The following PDE11A variants were observed in gnomAD, a reference collection of about 807,000 sequenced individuals.
PDE11A encodes the protein dual 3',5'-cyclic-AMP and -GMP phosphodiesterase 11A.
A neutral mutation model predicts 100.5 loss-of-function variants in PDE11A; 100 were observed. The ratio of observed to expected loss-of-function variants is 1.00; its 90% CI spans 0.85 to 1.18. The LOEUF is 1.18. Ranked by LOEUF, PDE11A falls within the 50% of genes most tolerant of loss-of-function variation. PDE11A has a pLI of 0.00. For synonymous variants in PDE11A, 381 were observed against 420.8 expected, an observed-to-expected ratio of 0.91 and a Z score of 1.16; for missense variants, 1,141 against 1,152.6, an observed-to-expected ratio of 0.99 and a Z score of 0.15.
At chr2:177,958,303 G>A (rs563735123) in intron 2 of PDE11A, among the ~76,000 whole-genome samples, 30 of 152,308 alleles carry the variant, frequency 2.0e-4, no homozygotes, top group Middle Eastern at 6.8e-3. Flanking sequence ...TGACCTTGAC[G>A]GAGAAATGTT....
chr2:178,072,535 A>T lies in PDE11A; in HGVS notation c.-98T>A. 6.4e-7 allele frequency: 1 copy of T among 1,566,648 alleles called. No individual in the cohort carries two copies. Among genetic ancestry groups the T allele is most frequent in the Non-Finnish European group, 8.6e-7 (1 of 1,163,126 alleles). Reference sequence around the variant, plus strand: ...CCTGCACATGTTCACCCCCACCAGTATTCCCAGTTCAGCGCCACCTCCCCT... The same window carrying T: ...CCTGCACATGTTCACCCCCACCAGTTTTCCCAGTTCAGCGCCACCTCCCCT... On this transcript the variant is annotated 5_prime_UTR_variant, in exon 1 of 20. Coordinates refer to ENST00000286063, the MANE Select transcript of PDE11A (RefSeq NM_016953.4).
At chr2:177,992,652 A>T (rs555904501) in intron 2 of PDE11A, among the ~76,000 whole-genome samples, 1 of 152,328 alleles carries the variant, frequency 6.6e-6, no homozygotes, top group Non-Finnish European at 1.5e-5. Flanking sequence ...TCATCAGAAG[A>T]TAGTTAAGTA....
chr2:177,810,065 C>T (rs2082926010), intron 9 of PDE11A, among the ~76,000 whole-genome samples: 2 of 150,494 alleles, frequency 1.3e-5, no homozygotes. Context: ...AGAGGTCTAC[C>T]ATCCTCCCCA....
intron 13 of PDE11A, among the ~76,000 whole-genome samples, chr2:177,709,695 C>CT (rs1215201863): frequency 6.6e-6 from 1 of 152,100 alleles, no homozygotes; most frequent in African/African-American, 2.4e-5. Context: ...GGACAGAGGC[C>CT]TGAAACCAAC....
chr2:177,845,891 G>A (rs888963361), intron 5 of PDE11A, among the ~76,000 whole-genome samples: 41 of 151,872 alleles, frequency 2.7e-4, no homozygotes, highest in South Asian at 4.2e-4. Context: ...GTGGCGGCGC[G>A]TGCCTGCAAT....
At chr2:178,074,815 G>A (rs573443545), upstream of PDE11A, among the ~76,000 whole-genome samples, 36 of 152,322 alleles carry the variant, frequency 2.4e-4, 1 homozygote, top group Admixed American at 1.0e-3. Context: ...TGAATCGGCT[G>A]TAGCCATGTT....
chr2:177,742,559 T>C (rs1250345386), intron 10 of PDE11A, among the ~76,000 whole-genome samples: 1 of 152,222 alleles, frequency 6.6e-6, no homozygotes, highest in African/African-American at 2.4e-5. Context: ...GGGCTTGCTA[T>C]GTGTCAGGTA....
chr2:178,027,270 A>G (rs1311907571), intron 1 of PDE11A, among the ~76,000 whole-genome samples: 1 of 152,176 alleles, frequency 6.6e-6, no homozygotes, highest in Non-Finnish European at 1.5e-5. Flanking sequence ...ACACAATACC[A>G]CTAAAAAAAG....
rs950725604 is a variant in PDE11A, at chr2:178,096,865, C to A, written c.162+7437G>T. ...CAACATCTGCCCATTACCCAGTTAG[C>A]CATAGCTGAAACTGGAGTGGCACAT... On this transcript the variant is annotated intron_variant, in intron 2 of 20. Transcript: ENST00000358450. Among the ~76,000 whole-genome samples the A allele has an allele frequency of 5.3e-5, 8 of 152,252 alleles. No homozygotes were observed. The East Asian group carries it at 1.5e-3, about 29-fold the overall frequency.
intron 9 of PDE11A, among the ~76,000 whole-genome samples, chr2:177,807,433 A>AT (rs2082889081): frequency 6.6e-6 from 1 of 151,692 alleles, no homozygotes; most frequent in East Asian, 1.9e-4. Context: ...ATTTTATTTT[A>AT]TTTTTTTGAG....
At chr2:177,886,748 G>C (rs948518657) in intron 4 of PDE11A, among the ~76,000 whole-genome samples, 1 of 152,160 alleles carries the variant, frequency 6.6e-6, no homozygotes, top group Admixed American at 6.5e-5. Flanking sequence ...TAGAGATGGT[G>C]CTATAAGTTC....
intron 1 of PDE11A, chr2:178,018,587 T>C (rs538211160): frequency 5.0e-5 from 16 of 323,124 alleles, no homozygotes; most frequent in African/African-American, 2.8e-4. Context: ...AGTTCATTGT[T>C]GAGACAAAAC....
chr2:177,878,115 G>A (rs547181849), intron 4 of PDE11A, among the ~76,000 whole-genome samples: 2 of 152,292 alleles, frequency 1.3e-5, no homozygotes, highest in African/African-American at 4.8e-5. Flanking sequence ...CCAGATGAAT[G>A]TAGGGCAATG....
intron 5 of PDE11A, among the ~76,000 whole-genome samples, chr2:177,853,712 GTTTGTGTGTGTGTGTGTGTA>G (rs2083769859): frequency 3.8e-5 from 1 of 26,424 alleles, no homozygotes; most frequent in African/African-American, 1.2e-4. Context: ...GTGTGTGTGT[GTTTGTGTGTGTGTGTGTGTA>G]TATCTATATG....
intron 10 of PDE11A, among the ~76,000 whole-genome samples, chr2:177,744,370 A>G (rs2081917897): frequency 6.7e-6 from 1 of 150,210 alleles, no homozygotes. Context: ...GACTTTAGAG[A>G]GATCAACATG....
At chr2:177,778,143 CAATTAACTATATTTCAAAAGAA>C (rs980428788) in intron 9 of PDE11A, among the ~76,000 whole-genome samples, 2 of 152,124 alleles carry the variant, frequency 1.3e-5, no homozygotes, top group Admixed American at 1.3e-4. Context: ...CAAGAAAAGA[CAATTAACTATATTTCAAAAGAA>C]AAACAATGGG....
At chr2:177,670,532 A>T (rs1259423264) in intron 17 of PDE11A, among the ~76,000 whole-genome samples, 2 of 152,218 alleles carry the variant, frequency 1.3e-5, no homozygotes, top group Non-Finnish European at 2.9e-5. Context: ...ATTTAAAAAA[A>T]TATTGGAAGA....
intron 9 of PDE11A, among the ~76,000 whole-genome samples, chr2:177,789,026 C>G (rs1054698166): frequency 2.0e-5 from 3 of 152,222 alleles, no homozygotes; most frequent in African/African-American, 7.2e-5. Flanking sequence ...GGAATTCTCC[C>G]TAACTCATTT....
chr2:177,814,456 C>T (rs546378175), intron 9 of PDE11A, among the ~76,000 whole-genome samples: 1 of 152,156 alleles, frequency 6.6e-6, no homozygotes, highest in East Asian at 1.9e-4. Flanking sequence ...TGGATGCCAC[C>T]TGATCACTAG....
Sources: gnomAD v4.1 joint callset for allele counts (sites outside exome capture counted in the v4.1 genomes callset) on GRCh38, gnomAD v4.1.1 for gene constraint, MANE v1.5 for transcripts, NCBI Gene and HGNC (gene_info 2026-07-23, HGNC 2026-07-21) for gene names.